The following UGGT1 variants were observed in gnomAD, a reference collection of about 807,000 sequenced individuals.
UGGT1 encodes the protein UDP-glucose:glycoprotein glucosyltransferase 1.
A neutral mutation model predicts 203.9 loss-of-function variants in UGGT1; 107 were observed. The ratio of observed to expected loss-of-function variants is 0.52; its 90% CI spans 0.45 to 0.62. The LOEUF (loss-of-function observed/expected upper bound fraction) is 0.62. Among genes scored for constraint, UGGT1 ranks in the 20% least tolerant of loss-of-function variants. The pLI is 0.00. For missense variants in UGGT1, 1,673 were observed against 1,867.2 expected (o/e 0.90, Z 1.92); for synonymous variants, 628 against 653.5 (o/e 0.96, Z 0.59).
chr2:128,128,999 G>T, intron 12 of UGGT1, 30 bp from the exon 13 acceptor site: 4 of 1,488,222 alleles, frequency 2.7e-6, no homozygotes, highest in South Asian at 2.7e-5. Context: ...TTTTTTCCTA[G>T]TAAATATCTC....
chr2:128,181,435 T>C (rs777966642), intron 36 of UGGT1, among the ~76,000 whole-genome samples: 2 of 152,220 alleles, frequency 1.3e-5, no homozygotes, highest in Non-Finnish European at 2.9e-5. Context: ...AGACGAAGCT[T>C]AAGTGGATAC....
rs144957548 is a variant in UGGT1 at position 128,189,349 on chromosome 2, AAAACAGTTT to A, written c.4643-362_4643-354del. Among the ~76,000 whole-genome samples, 655 of 152,338 alleles carry A rather than the reference AAAACAGTTT, an allele frequency of 4.3e-3. 2 individuals carry two copies. Among genetic ancestry groups the A allele is most frequent in the African/African-American group, 0.015 (625 of 41,560 alleles). The stretch of plus-strand genomic sequence containing the variant: ...TATTACTTATAAGCCAGAAGCATCA[AAAACAGTTT>A]AAACATCCAAGAATGAGCTACACTG... On this transcript the variant is annotated intron_variant, in intron 40 of 40. Transcript: ENST00000259253.
intron 33 of UGGT1, among the ~76,000 whole-genome samples, chr2:128,178,206 C>T (rs1320261464): frequency 3.3e-5 from 5 of 152,194 alleles, no homozygotes; most frequent in Non-Finnish European, 5.9e-5. Context: ...GTTTACTTCC[C>T]GTTGTGTAAG....
chr2:128,106,110 C>CTTTT (rs66611494), intron 3 of UGGT1, among the ~76,000 whole-genome samples: 1 of 101,390 alleles, frequency 9.9e-6, no homozygotes, highest in Admixed American at 9.9e-5. Context: ...CAGCCTGAAT[C>CTTTT]TTTTTTTTTT....
At position 128,129,194 on chromosome 2, in the gene UGGT1, A is replaced by G. The variant is rs746653499; in HGVS notation, c.1377+15A>G. The G allele has an allele frequency of 1.9e-5, 31 of 1,598,430 alleles. No homozygotes were observed. The highest frequency in any genetic ancestry group is 7.9e-5 in the South Asian group (7 of 88,164). On this transcript the variant is annotated intron_variant, in intron 13 of 40. Transcript: ENST00000259253. ...CTGCTATTTCAGTGAGTATTTTGTT[A>G]GGGTGATCAAAGGACTTTCTGACCA...
chr2:128,188,073 T>G (rs1343024930), intron 40 of UGGT1, among the ~76,000 whole-genome samples: 1 of 150,838 alleles, frequency 6.6e-6, no homozygotes, highest in African/African-American at 2.4e-5. Flanking sequence ...CAGGCTGGAG[T>G]GCAGTGGCAT....
At chr2:128,172,807 A>G (rs1691179554) in intron 29 of UGGT1, 45 bp downstream of exon 29, 4 of 1,559,304 alleles carry the variant, frequency 2.6e-6, no homozygotes, top group Non-Finnish European at 3.5e-6. Context: ...CATGTATAAT[A>G]CAGCAGATTG....
Position 128,165,400 on chromosome 2 carries a change from A to T in UGGT1, c.2921+575A>T, listed in dbSNP as rs1690738292. Among the ~76,000 whole-genome samples the T allele has an allele frequency of 1.3e-5, 2 of 152,126 alleles. 1 individual carries two copies. The highest frequency in any genetic ancestry group is 4.8e-5 in the African/African-American group (2 of 41,416). On this transcript the variant is annotated intron_variant, in intron 26 of 40. Coordinates refer to ENST00000259253, the MANE Select transcript of UGGT1 (RefSeq NM_020120.4). ...CAGACTGAGACCCTGTCTCACAAAA[A>T]AATTAAACAGAGATTGGCTGGGCGT...
chr2:128,132,312 C>T (rs960108807), intron 13 of UGGT1, among the ~76,000 whole-genome samples: 1 of 151,796 alleles, frequency 6.6e-6, no homozygotes, highest in South Asian at 2.1e-4. Flanking sequence ...CTTTGGGAGG[C>T]CGAGGTGGGC....
chr2:128,165,293 C>T (rs184323323), intron 26 of UGGT1, among the ~76,000 whole-genome samples: 1 of 152,208 alleles, frequency 6.6e-6, no homozygotes, highest in Non-Finnish European at 1.5e-5. Context: ...GGTGTGGTGG[C>T]ATGTGCATGT....
chr2:128,101,251 T>C lies in UGGT1; in HGVS notation c.195-2681T>C, dbSNP rs141900988. ...GGGAGACCCTGATGTTGGATCAAGG[T>C]ACTATGTCCATCTGGTTAAGGATGA... is the stretch of plus-strand genomic sequence containing the variant. On this transcript the variant is annotated intron_variant, in intron 2 of 40. Transcript: ENST00000259253. Among the ~76,000 whole-genome samples the C allele has an allele frequency of 2.9e-3, 440 of 152,326 alleles. 1 individual carries two copies. The highest frequency in any genetic ancestry group is 0.01 in the African/African-American group (424 of 41,566).
At position 128,173,870 on chromosome 2, in the gene UGGT1, G is replaced by A; in HGVS notation, c.3384G>A (p.Arg1128=). ...CYDITTGQPP[R]GLQFTLGTSA... ...ACATCACCACAGGCCAGCCTCCACG[G>A]GGACTACAGTTTACCTTAGGAACTT... The change falls in exon 30 of 41, where the codon CGG becomes CGA. Residue 1128 remains arginine (R), a synonymous_variant. Transcript: ENST00000259253. 6.2e-7 allele frequency: 1 copy of A among 1,614,146 alleles called. No homozygotes were observed. The highest frequency in any genetic ancestry group is 1.1e-5 in the South Asian group (1 of 91,076).
chr2:128,120,825 A>G (rs1237859007), intron 9 of UGGT1, among the ~76,000 whole-genome samples: 1 of 152,204 alleles, frequency 6.6e-6, no homozygotes, highest in Non-Finnish European at 1.5e-5. Context: ...CTCTGTTCCA[A>G]AGAACTATTT....
rs1467742053 is a variant in UGGT1, at chr2:128,192,505, C to G, written c.*2763C>G. The G allele has an allele frequency of 1.3e-5, 2 of 152,210 alleles. No individual in the cohort carries two copies. Among genetic ancestry groups the G allele is most frequent in the African/African-American group, 4.8e-5 (2 of 41,452 alleles). The allele number at this position is 152,210 out of a possible 1,614,324, so 9.4% of individuals were successfully genotyped here. A position where few individuals can be genotyped will look rare whatever the true frequency, so the allele number is the denominator to read the frequency against. ...ATTTATATAAAGTGAATTATTTTCT[C>G]TCTCAATCATGCCATAGTGGAGACT... On this transcript the variant is annotated 3_prime_UTR_variant, in exon 41 of 41. Transcript: ENST00000259253.
chr2:128,145,592 G>T, intron 17 of UGGT1: 1 of 489,510 alleles, frequency 2.0e-6, no homozygotes. Flanking sequence ...GTAAAAACTT[G>T]AACTCAGTAA....
intron 26 of UGGT1, among the ~76,000 whole-genome samples, chr2:128,165,619 C>G (rs988809287): frequency 6.6e-6 from 1 of 152,134 alleles, no homozygotes; most frequent in Admixed American, 6.5e-5. Flanking sequence ...ATCGCTTGAA[C>G]CCAGGAGGTA....
intron 3 of UGGT1, among the ~76,000 whole-genome samples, chr2:128,105,438 C>A (rs1687561923): frequency 6.6e-6 from 1 of 151,734 alleles, no homozygotes; most frequent in South Asian, 2.1e-4. Context: ...CTTGGCATTC[C>A]AAAGTGCTGG....
intron 12 of UGGT1, among the ~76,000 whole-genome samples, chr2:128,128,815 C>T (rs1688738965): frequency 6.6e-6 from 1 of 152,080 alleles, no homozygotes; most frequent in South Asian, 2.1e-4. Flanking sequence ...AGAAAGAATA[C>T]AGAGAGATTA....
intron 33 of UGGT1, among the ~76,000 whole-genome samples, chr2:128,178,238 G>A (rs1024718743): frequency 5.9e-5 from 9 of 152,164 alleles, no homozygotes; most frequent in African/African-American, 1.9e-4. Context: ...TGCAGCCTGT[G>A]TTCAGTCTCT....
Sources: gnomAD v4.1 joint callset for allele counts (sites outside exome capture counted in the v4.1 genomes callset) on GRCh38, gnomAD v4.1.1 for gene constraint, MANE v1.5 for transcripts, NCBI Gene and HGNC (gene_info 2026-07-23, HGNC 2026-07-21) for gene names.